Variants in KIF14 observed in about 807,000 individuals in gnomAD.
KIF14 encodes kinesin-like protein KIF14.
Under a neutral mutation model 176.2 loss-of-function variants are expected in KIF14, and 98 were observed. That is an observed-to-expected ratio of 0.56 (90% CI 0.47 to 0.66). The LOEUF (loss-of-function observed/expected upper bound fraction) is 0.66, where lower values mean the gene tolerates loss of function less well. KIF14 is among the 30% of genes least tolerant of loss of function. The probability of loss-of-function intolerance (pLI) is 0.00; values close to 1 mark genes in which losing one functional copy is unlikely to be tolerated. For synonymous variants in KIF14, 566 were observed against 632.2 expected (o/e 0.90, Z 1.57); for missense variants, 1,751 against 1,920.4 (o/e 0.91, Z 1.65).
At chr1:200,611,375 C>T (rs578261131) in intron 4 of KIF14, among the ~76,000 whole-genome samples, 1 of 152,166 alleles carries the variant, frequency 6.6e-6, no homozygotes, top group East Asian at 1.9e-4. Flanking sequence ...AGATGCAATA[C>T]AGTACATGAG....
intron 21 of KIF14, among the ~76,000 whole-genome samples, chr1:200,577,240 C>T (rs1054463900): frequency 1.3e-5 from 2 of 152,146 alleles, no homozygotes; most frequent in African/African-American, 4.8e-5. Context: ...ACAAGAATCA[C>T]TTGAACCTGG....
chr1:200,598,126 G>A, intron 14 of KIF14, 111 bp downstream of exon 14: 1 of 914,854 alleles, frequency 1.1e-6, no homozygotes, highest in South Asian at 1.6e-5. Flanking sequence ...CAATGGGTTT[G>A]AAGAATTCTA....
intron 14 of KIF14, among the ~76,000 whole-genome samples, chr1:200,597,355 C>G (rs2102713995): frequency 6.6e-6 from 1 of 152,066 alleles, no homozygotes; most frequent in South Asian, 2.1e-4. Flanking sequence ...ATTGGCAACT[C>G]CTACAAATTA....
chr1:200,601,860 G>A, intron 11 of KIF14, 36 bp downstream of exon 11: 2 of 1,543,178 alleles, frequency 1.3e-6, no homozygotes, highest in Non-Finnish European at 1.8e-6. Context: ...ACTAAACTGT[G>A]GCAAAACAAT....
In KIF14 at chr1:200,618,197, G is replaced by T. The variant is rs199756888; in HGVS notation, c.527C>A (p.Ala176Asp). 2 of 1,613,718 alleles carry T rather than the reference G, an allele frequency of 1.2e-6. No individual in the cohort carries two copies. The highest frequency in any genetic ancestry group is 1.7e-6 in the Non-Finnish European group (2 of 1,179,924). Residue 176 changes from alanine to aspartate, a missense_variant, in exon 2 of 30, where the codon GCC becomes GAC. Physicochemically the swap from Ala to Asp is moderately radical, Grantham distance 126 (BLOSUM62 -2). Transcript: ENST00000367350. ...ATCTTCATCTAAAGGTACAGAAGAG[G>T]CAACAAAAGAGTTTTTAGCATTATT... is the stretch of plus-strand genomic sequence containing the variant. ...IVNNAKNSFVASSVPLDEDPQ... is the reference protein window; with the variant it reads ...IVNNAKNSFVDSSVPLDEDPQ...
At position 200,580,274 on chromosome 1, in the gene KIF14, C is replaced by T. The variant is rs765420128; in HGVS notation, c.3445G>A (p.Ala1149Thr). 4.8e-6 allele frequency: 7 copies of T among 1,448,760 alleles called. No individual in the cohort carries two copies. In the African/African-American group the frequency reaches 7.2e-5, roughly 15 times the overall value. 89.7% of individuals were successfully genotyped at this position (1,448,760 alleles called of 1,614,324 possible). A position where few individuals can be genotyped will look rare whatever the true frequency, so the allele number is the denominator to read the frequency against. ...SLEKFESKLA[A>T]MKELYESNGS... The stretch of plus-strand genomic sequence containing the variant: ...CAAACCTCATAAAGTTCTTTCATTG[C>T]TGCAAGTTTAGATTCAAACTTTTCC... Residue 1149 changes from alanine (A) to threonine (T), a missense_variant, in exon 21 of 30, where the codon GCA becomes ACA. By Grantham distance (58) the Ala-to-Thr change is moderately conservative (BLOSUM62 0). Transcript: ENST00000367350.
intron 22 of KIF14, among the ~76,000 whole-genome samples, chr1:200,573,879 A>G (rs1196683896): frequency 6.6e-6 from 1 of 152,236 alleles, no homozygotes; most frequent in Non-Finnish European, 1.5e-5. Flanking sequence ...TTAAGAAAAC[A>G]AAAAACAATT....
chr1:200,553,863 G>A (rs1656691164), intron 29 of KIF14, 96 bp from the exon 30 acceptor site: 1 of 1,243,334 alleles, frequency 8.0e-7, no homozygotes, highest in Admixed American at 2.4e-5. Flanking sequence ...TTAAGTCAAA[G>A]TGACCCTATC....
chr1:200,587,904 C>T (rs994822634), intron 18 of KIF14, among the ~76,000 whole-genome samples: 4 of 152,136 alleles, frequency 2.6e-5, no homozygotes, highest in African/African-American at 9.7e-5. Context: ...TGAGGTGGTT[C>T]ACTAGCCACT....
Position 200,617,928 on chromosome 1 carries a change from T to C in KIF14, c.796A>G (p.Thr266Ala), listed in dbSNP as rs532207211. Residue 266 changes from threonine (T) to alanine (A), a missense_variant, in exon 2 of 30, where the codon ACT becomes GCT. Coordinates refer to ENST00000367350, the MANE Select transcript of KIF14 (RefSeq NM_014875.3). ...TCTAAGCTCCCAAATTTATTTGAAG[T>C]TTTTGCAATTTCCTTCCCAATACTT... ...HRSIGKEIAKTSNKFGSLEKR... is the reference protein window; with the variant it reads ...HRSIGKEIAKASNKFGSLEKR... 3.8e-5 allele frequency: 62 copies of C among 1,613,950 alleles called. No homozygotes were observed. The South Asian group carries it at 6.6e-4, about 17-fold the overall frequency.
In KIF14 at chr1:200,565,114, T is replaced by G; in HGVS notation, c.4026A>C (p.Arg1342Ser). 2 of 1,612,962 alleles carry G rather than the reference T, an allele frequency of 1.2e-6. No individual in the cohort carries two copies. Among genetic ancestry groups the G allele is most frequent in the Non-Finnish European group, 1.7e-6 (2 of 1,179,684 alleles). ...AGCCTCCCAGTTTTTTAACTTCTTG[T>G]CTCAACTCATCCTCAAGTCTTGCTA... ...TNIARLEDELRQEVKKLGGYL... is the reference protein window; with the variant it reads ...TNIARLEDELSQEVKKLGGYL... Residue 1342 changes from arginine (R) to serine (S), a missense_variant, in exon 25 of 30, where the codon AGA becomes AGC. Physicochemically the swap from Arg to Ser is moderately radical, Grantham distance 110. Transcript: ENST00000367350.
rs749953085 is a variant in KIF14, at chr1:200,618,423, A to G, written c.301T>C (p.Ser101Pro). 5 of 1,614,170 alleles carry G rather than the reference A, an allele frequency of 3.1e-6. No individual in the cohort carries two copies. Among genetic ancestry groups the G allele is most frequent in the Non-Finnish European group, 3.4e-6 (4 of 1,180,020 alleles). Reference protein sequence around the residue: ...QRRTTRNKESSLLVSELEDTT... With the variant: ...QRRTTRNKESPLLVSELEDTT... ...TCTTCCAACTCACTAACAAGCAAAG[A>G]TGATTCTTTGTTCCTTGTAGTTCTC... The change falls in exon 2 of 30, where the codon TCT becomes CCT. Residue 101 changes from serine to proline, a missense_variant. By Grantham distance (74) the Ser-to-Pro change is moderately conservative. Transcript: ENST00000367350.
In KIF14 at chr1:200,617,815, T is replaced by C. The variant is rs1441520433; in HGVS notation, c.909A>G (p.Ile303Met). 2.5e-6 allele frequency: 4 copies of C among 1,614,054 alleles called. No homozygotes were observed. The African/African-American group carries it at 4.0e-5, about 16-fold the overall frequency. Reference protein sequence around the residue: ...LPQLKSPAPSILKNRMSNLQV... With the variant: ...LPQLKSPAPSMLKNRMSNLQV... ...GAAGGTTAGACATTCTATTCTTCAGTATTGATGGAGCTGGGCTCTTAAGCT... is the reference window on the plus strand; with the variant it reads ...GAAGGTTAGACATTCTATTCTTCAGCATTGATGGAGCTGGGCTCTTAAGCT... The change falls in exon 2 of 30, where the codon ATA becomes ATG. Residue 303 changes from isoleucine to methionine, a missense_variant. Coordinates refer to ENST00000367350, the MANE Select transcript of KIF14 (RefSeq NM_014875.3).
intron 11 of KIF14, among the ~76,000 whole-genome samples, chr1:200,601,224 C>T (rs764489857): frequency 2.6e-5 from 4 of 152,112 alleles, no homozygotes; most frequent in Non-Finnish European, 4.4e-5. Context: ...ACTTGTGAAA[C>T]AGAAGGGATC....
Position 200,553,668 on chromosome 1 carries a change from A to G in KIF14, c.4667T>C (p.Val1556Ala). Residue 1556 changes from valine to alanine, a missense_variant, in exon 30 of 30, where the codon GTT becomes GCT. By Grantham distance (64) the Val-to-Ala change is moderately conservative. Coordinates refer to ENST00000367350, the MANE Select transcript of KIF14 (RefSeq NM_014875.3). ...YSDFSVPSTS[V>A]GSYESRVTHI... ...AGTTACTCTACTCTCATAGCTGCCA[A>G]CAGAAGTAGAAGGCACACTGAAGTC... The G allele has an allele frequency of 6.2e-7, 1 of 1,614,060 alleles. No homozygotes were observed. The highest frequency in any genetic ancestry group is 8.5e-7 in the Non-Finnish European group (1 of 1,179,962).
chr1:200,554,477 C>A lies in KIF14; in HGVS notation c.4558G>T (p.Ala1520Ser). The stretch of plus-strand genomic sequence containing the variant: ...ATTTGGAGAATCATACCTTTCAGTG[C>A]AGAAATAATAATTTCAATAGCTTTC... ...LEKAIEIIIS[A>S]LKGCHSDINL... The change falls in exon 29 of 30, where the codon GCA becomes TCA. Residue 1520 changes from alanine (A) to serine (S), a missense_variant. Coordinates refer to ENST00000367350, the MANE Select transcript of KIF14 (RefSeq NM_014875.3). 1 of 1,527,560 alleles carries A rather than the reference C, an allele frequency of 6.5e-7. No individual in the cohort carries two copies. The highest frequency in any genetic ancestry group is 9.0e-7 in the Non-Finnish European group (1 of 1,108,598). 94.6% of individuals were successfully genotyped at this position (1,527,560 alleles called of 1,614,324 possible).
chr1:200,581,837 T>C (rs1212849897), intron 19 of KIF14, among the ~76,000 whole-genome samples: 6 of 146,836 alleles, frequency 4.1e-5, no homozygotes, highest in African/African-American at 1.3e-4. Context: ...GGCTCAAGCA[T>C]GGCTCACTGC....
chr1:200,583,936 AC>A (rs1450719471), intron 19 of KIF14, among the ~76,000 whole-genome samples: 1 of 147,668 alleles, frequency 6.8e-6, no homozygotes, highest in Non-Finnish European at 1.5e-5. Flanking sequence ...CAACAAAAAG[AC>A]TTTAAAAAAA....
intron 23 of KIF14, among the ~76,000 whole-genome samples, chr1:200,568,678 C>T (rs796904565): frequency 3.3e-4 from 50 of 152,266 alleles, no homozygotes; most frequent in African/African-American, 8.7e-4. Context: ...TTCCTCTTCC[C>T]GGTTACTAAC....
Sources: allele counts gnomAD v4.1 joint callset (sites outside exome capture counted in the v4.1 genomes callset), GRCh38; gene constraint gnomAD v4.1.1; transcripts MANE v1.5; gene names NCBI Gene and HGNC (gene_info 2026-07-23, HGNC 2026-07-21).